APC: variants seen among roughly 807,000 people sequenced by gnomAD.
APC encodes the protein adenomatous polyposis coli protein.
In APC, 72 loss-of-function variants were observed where a neutral mutation model predicts 247.0. That is an observed-to-expected ratio of 0.29 (90% CI 0.24 to 0.35). The LOEUF is 0.35. Ranked by LOEUF, APC falls within the 10% of genes least tolerant of loss-of-function variation. The pLI is 1.00. For missense variants in APC, 3,400 were observed against 3,360.7 expected, an observed-to-expected ratio of 1.01 and a Z score of -0.29; for synonymous variants, 1,254 against 1,162.5, an observed-to-expected ratio of 1.08 and a Z score of -1.60.
At chr5:112,806,553 T>C (rs1203822074) in intron 8 of APC, among the ~76,000 whole-genome samples, 1 of 55,006 alleles carries the variant, frequency 1.8e-5, no homozygotes, top group Non-Finnish European at 3.3e-5. Context: ...GGTTCTCAAC[T>C]TTATTTATTT....
chr5:112,803,092 G>A lies in APC; in HGVS notation c.834+1709G>A, dbSNP rs115915767. 1.8e-3 allele frequency among the ~76,000 whole-genome samples: 268 copies of A among 152,170 alleles called. 1 individual carries two copies. Among genetic ancestry groups the A allele is most frequent in the African/African-American group, 6.2e-3 (258 of 41,526 alleles). On this transcript the variant is annotated intron_variant, in intron 8 of 15. Coordinates refer to ENST00000257430, the MANE Select transcript of APC (RefSeq NM_000038.6). ...CAAATTAAAACTAAAGTCAGATTTC[G>A]TGGGGGGGCCATTTAGTTGGCAAAA...
At chr5:112,741,668 G>A (rs1753043159) in intron 1 of APC, among the ~76,000 whole-genome samples, 1 of 152,082 alleles carries the variant, frequency 6.6e-6, no homozygotes, top group Non-Finnish European at 1.5e-5. Flanking sequence ...GTACAGTTCT[G>A]TGGCATTAAG....
chr5:112,784,736 G>A (rs1758753591), intron 6 of APC, among the ~76,000 whole-genome samples: 1 of 152,152 alleles, frequency 6.6e-6, no homozygotes, highest in Non-Finnish European at 1.5e-5. Flanking sequence ...GATCTCATTT[G>A]CAAGGGGAAG....
intron 9 of APC, among the ~76,000 whole-genome samples, chr5:112,816,149 TA>T (rs907472282): frequency 1.6e-4 from 24 of 152,198 alleles, no homozygotes; most frequent in Non-Finnish European, 3.2e-4. Context: ...GGGACCACCA[TA>T]AATGTCTGTC....
At chr5:112,747,966 TGG>T (rs1753871776) in intron 1 of APC, among the ~76,000 whole-genome samples, 2 of 152,214 alleles carry the variant, frequency 1.3e-5, no homozygotes, top group African/African-American at 2.4e-5. Flanking sequence ...TATTAGAGCA[TGG>T]GCATGCCCAT....
At chr5:112,823,711 T>TGGGTTTATTGA (rs1561548568) in intron 11 of APC, among the ~76,000 whole-genome samples, 2 of 152,340 alleles carry the variant, frequency 1.3e-5, no homozygotes, top group Non-Finnish European at 1.5e-5. Context: ...TTCCCTAATC[T>TGGGTTTATTGA]ACCCCAGAAA....
intron 7 of APC, among the ~76,000 whole-genome samples, chr5:112,794,521 T>G (rs1759992272): frequency 6.6e-6 from 1 of 152,184 alleles, no homozygotes; most frequent in Non-Finnish European, 1.5e-5. Context: ...AAAGACAAAG[T>G]CAGTCACAAG....
At chr5:112,824,149 G>A (rs370758261) in intron 11 of APC, among the ~76,000 whole-genome samples, 5 of 152,126 alleles carry the variant, frequency 3.3e-5, no homozygotes, top group African/African-American at 9.7e-5. Context: ...CTCTACTATC[G>A]GTAGTTTTAC....
At chr5:112,708,011 C>T in intron 1 of APC, 2 of 963,786 alleles carry the variant, frequency 2.1e-6, no homozygotes, top group South Asian at 1.9e-5. Flanking sequence ...CTCACCCTCT[C>T]CCCTCCCCGC....
chr5:112,785,181 A>G (rs573549717), intron 6 of APC, among the ~76,000 whole-genome samples: 3 of 152,332 alleles, frequency 2.0e-5, no homozygotes, highest in Non-Finnish European at 4.4e-5. Context: ...TGCAAGTAGA[A>G]AAAACAAAAT....
chr5:112,808,571 GC>G (rs1761659999), intron 8 of APC, among the ~76,000 whole-genome samples: 1 of 152,052 alleles, frequency 6.6e-6, no homozygotes, highest in Non-Finnish European at 1.5e-5. Flanking sequence ...AGTAGCTGGT[GC>G]TATAGGCACT....
In APC at chr5:112,707,583, C is replaced by T. The variant is rs1311747020; in HGVS notation, c.-135C>T. The T allele has an allele frequency of 7.3e-6, 7 of 958,266 alleles. No homozygotes were observed. Among genetic ancestry groups the T allele is most frequent in the South Asian group, 3.0e-5 (2 of 66,086 alleles). The allele number at this position is 958,266 out of a possible 1,614,324, so 59.4% of individuals were successfully genotyped here. A position where few individuals can be genotyped will look rare whatever the true frequency, so the allele number is the denominator to read the frequency against. ...GTGGCCGCCGGAAGCCTAGCCGCTG[C>T]TCGGGGGGGACCTGCGGGCTCAGGC... is the stretch of plus-strand genomic sequence containing the variant. On this transcript the variant is annotated 5_prime_UTR_variant, in exon 1 of 14. Transcript: ENST00000507379.
At chr5:112,828,225 G>T (rs1010299071) in intron 13 of APC, among the ~76,000 whole-genome samples, 1 of 151,770 alleles carries the variant, frequency 6.6e-6, no homozygotes, top group East Asian at 1.9e-4. Context: ...ATAGAGACGG[G>T]GTTTCACCAC....
Position 112,842,983 on chromosome 5 carries a change from A to C in APC, c.7389A>C (p.Glu2463Asp), listed in dbSNP as rs587782127. The C allele has an allele frequency of 6.3e-5, 101 of 1,613,924 alleles. No homozygotes were observed. Among genetic ancestry groups the C allele is most frequent in the Non-Finnish European group, 8.4e-5 (99 of 1,179,958 alleles). ...AATTGGAGGAATCTGCTTCATTTGAATCTCTTTCTCCATCATCTAGACCAG... is the reference window on the plus strand; with the variant it reads ...AATTGGAGGAATCTGCTTCATTTGACTCTCTTTCTCCATCATCTAGACCAG... ...RRKLEESASFESLSPSSRPAS... is the reference protein window; with the variant it reads ...RRKLEESASFDSLSPSSRPAS... Residue 2463 changes from glutamate to aspartate, a missense_variant, in exon 16 of 16, where the codon GAA becomes GAC. Coordinates refer to ENST00000257430, the MANE Select transcript of APC (RefSeq NM_000038.6).
intron 1 of APC, among the ~76,000 whole-genome samples, chr5:112,711,343 C>T (rs1021617135): frequency 1.3e-5 from 2 of 152,218 alleles, no homozygotes; most frequent in Non-Finnish European, 2.9e-5. Context: ...CCACCCAACT[C>T]CTGTCCCATG....
chr5:112,750,274 T>C (rs1754191530), intron 1 of APC, among the ~76,000 whole-genome samples: 1 of 152,192 alleles, frequency 6.6e-6, no homozygotes. Flanking sequence ...AATGCTTTGC[T>C]TTTCAAACTC....
chr5:112,776,210 G>A (rs896733782), intron 5 of APC, among the ~76,000 whole-genome samples: 2 of 152,152 alleles, frequency 1.3e-5, no homozygotes, highest in African/African-American at 2.4e-5. Flanking sequence ...CACTAAAGCT[G>A]GTTTGTTTTG....
rs1554088226 is a variant in APC at position 112,842,883 on chromosome 5, A to G, written c.7289A>G (p.Asp2430Gly). The change falls in exon 16 of 16, where the codon GAT becomes GGT. Residue 2430 changes from aspartate (D) to glycine (G), a missense_variant. Physicochemically the swap from Asp to Gly is moderately conservative, Grantham distance 94. Coordinates refer to ENST00000257430, the MANE Select transcript of APC (RefSeq NM_000038.6). ...ACTAAATCAAGTGGAAGTGAATCTG[A>G]TAGATCAGAAAGACCTGTATTAGTA... ...SSTKSSGSES[D>G]RSERPVLVRQ... 1 of 1,614,104 alleles carries G rather than the reference A, an allele frequency of 6.2e-7. No individual in the cohort carries two copies. Among genetic ancestry groups the G allele is most frequent in the Non-Finnish European group, 8.5e-7 (1 of 1,179,970 alleles).
At position 112,747,654 on chromosome 5, in the gene APC, A is replaced by C. The variant is rs184403927; in HGVS notation, c.-18-7219A>C. On this transcript the variant is annotated intron_variant, in intron 1 of 15. Transcript: ENST00000257430. The stretch of plus-strand genomic sequence containing the variant: ...ATAGTAAAAACAAAATAAAGATGGG[A>C]GCTTACAATGCCATAAAGAGTAAGA... Among the ~76,000 whole-genome samples the C allele has an allele frequency of 6.1e-3, 925 of 152,302 alleles. 7 individuals are homozygous for C. Among genetic ancestry groups the C allele is most frequent in the Middle Eastern group, 0.01 (3 of 294 alleles).
Sources: gnomAD v4.1 joint callset for allele counts (sites outside exome capture counted in the v4.1 genomes callset) on GRCh38, gnomAD v4.1.1 for gene constraint, MANE v1.5 for transcripts, NCBI Gene and HGNC (gene_info 2026-07-23, HGNC 2026-07-21) for gene names.